The following DIO1 variants were observed in gnomAD, a reference collection of about 807,000 sequenced individuals.
The protein encoded by DIO1 is iodothyronine deiodinase 1.
Under a neutral mutation model 25.9 loss-of-function variants are expected in DIO1, and 17 were observed. That is an observed-to-expected ratio of 0.66 (90% CI 0.45 to 0.98). DIO1 has a LOEUF of 0.98. Among genes scored for constraint, DIO1 ranks in the 50% least tolerant of loss-of-function variants. The pLI is 0.00. For missense variants in DIO1, 270 were observed against 310.4 expected (o/e 0.87, Z 0.98); for synonymous variants, 115 against 114.0 (o/e 1.01, Z -0.05).
intron 1 of DIO1, among the ~76,000 whole-genome samples, chr1:53,899,880 C>A (rs1440058599): frequency 6.6e-6 from 1 of 152,018 alleles, no homozygotes. Flanking sequence ...GTTGCCCAGG[C>A]TTTTTGGGTT....
chr1:53,895,934 G>A (rs1340628757), intron 1 of DIO1, among the ~76,000 whole-genome samples: 3 of 152,070 alleles, frequency 2.0e-5, no homozygotes, highest in Admixed American at 6.5e-5. Context: ...CCTCCATGAA[G>A]CCACCTCAGC....
At chr1:53,906,353 C>T in intron 3 of DIO1, 59 bp downstream of exon 3, 1 of 1,451,930 alleles carries the variant, frequency 6.9e-7, no homozygotes, top group Non-Finnish European at 9.5e-7. Flanking sequence ...AGGGCAAGGG[C>T]AAAGAGAAGG....
intron 1 of DIO1, among the ~76,000 whole-genome samples, chr1:53,895,977 G>A (rs1031673932): frequency 1.3e-5 from 2 of 152,062 alleles, no homozygotes; most frequent in African/African-American, 2.4e-5. Flanking sequence ...CTCTCCCTTC[G>A]GCTCATGGCT....
At position 53,908,685 on chromosome 1, in the gene DIO1, C is replaced by T. The variant is rs184355829; in HGVS notation, c.682-1246C>T. ...CATAGTAGGGCAGAGTGTGAATAAA[C>T]GATTGGAGACATTGGGGTTACACAG... On this transcript the variant is annotated intron_variant, in intron 3 of 3. Coordinates refer to ENST00000361921, the MANE Select transcript of DIO1 (RefSeq NM_000792.7). Among the ~76,000 whole-genome samples the T allele has an allele frequency of 4.6e-5, 7 of 152,168 alleles. No homozygotes were observed. The East Asian group carries it at 7.7e-4, about 17-fold the overall frequency.
intron 1 of DIO1, among the ~76,000 whole-genome samples, chr1:53,901,246 G>C (rs1000099611): frequency 2.0e-5 from 3 of 151,930 alleles, no homozygotes; most frequent in Non-Finnish European, 4.4e-5. Flanking sequence ...GTGTAAATCT[G>C]GTTATTACAT....
chr1:53,901,517 C>T (rs538727261), intron 1 of DIO1, among the ~76,000 whole-genome samples: 7 of 152,206 alleles, frequency 4.6e-5, no homozygotes, highest in South Asian at 2.1e-4. Context: ...TGAATTCTGC[C>T]GTCTCAATGA....
chr1:53,904,676 A>C lies in DIO1; in HGVS notation c.348A>C (p.Pro116=), dbSNP rs145706521. Residue 116 remains proline, a synonymous_variant, in exon 2 of 4, where the codon CCA becomes CCC. Coordinates refer to ENST00000361921, the MANE Select transcript of DIO1 (RefSeq NM_000792.7). ...TTGTTGCTGTTTCAGGTAATAGGCC[A>C]CTGGTGCTGAATTTTGGAAGTTGTA... ...NIWEFMQGNR[P]LVLNFGSCTU... The C allele has an allele frequency of 6.2e-7, 1 of 1,613,540 alleles. No homozygotes were observed. The highest frequency in any genetic ancestry group is 2.2e-5 in the East Asian group (1 of 44,876).
Position 53,894,560 on chromosome 1 carries a change from C to T in DIO1, c.337+13C>T. ...GAGTTTATGCAAGGTCAGGAGGCTGCCACACACTTGAGGGGTGCTTGAAAT... is the reference window on the plus strand; with the variant it reads ...GAGTTTATGCAAGGTCAGGAGGCTGTCACACACTTGAGGGGTGCTTGAAAT... On this transcript the variant is annotated intron_variant, in intron 1 of 3. Transcript: ENST00000361921. The surrounding 1 kb of genome is among the most constrained non-coding windows in gnomAD (Gnocchi z 4.9). The T allele has an allele frequency of 6.2e-7, 1 of 1,604,630 alleles. No individual in the cohort carries two copies. The highest frequency in any genetic ancestry group is 8.5e-7 in the Non-Finnish European group (1 of 1,174,928).
chr1:53,907,911 CGG>C (rs1371737800), intron 3 of DIO1, among the ~76,000 whole-genome samples: 2 of 90,852 alleles, frequency 2.2e-5, no homozygotes, highest in African/African-American at 1.0e-4. Flanking sequence ...AACTCTGTCT[CGG>C]AAAAAAAAAA....
At chr1:53,905,381 C>T (rs1018190805) in intron 2 of DIO1, among the ~76,000 whole-genome samples, 1 of 152,024 alleles carries the variant, frequency 6.6e-6, no homozygotes, top group South Asian at 2.1e-4. Context: ...CACCATGTTA[C>T]TCGGGCTGGT....
rs775094953 is a variant in DIO1 at position 53,909,942 on chromosome 1, C to A, written c.693C>A (p.Gly231=). Residue 231 remains glycine (G), a synonymous_variant, in exon 4 of 4, where the codon GGC becomes GGA. Coordinates refer to ENST00000361921, the MANE Select transcript of DIO1 (RefSeq NM_000792.7). ...EGRILYKGKS[G]PWNYNPEEVR... ...CGTTTCTCTTGCAGGGTAAATCTGG[C>A]CCTTGGAACTACAACCCAGAGGAAG... 24 of 1,614,020 alleles carry A rather than the reference C, an allele frequency of 1.5e-5. No homozygotes were observed. The highest frequency in any genetic ancestry group is 2.0e-5 in the Non-Finnish European group (24 of 1,180,022).
chr1:53,898,010 G>A (rs1406949013), intron 1 of DIO1, among the ~76,000 whole-genome samples: 13 of 152,158 alleles, frequency 8.5e-5, no homozygotes, highest in Admixed American at 7.9e-4. Flanking sequence ...TAAACACCAT[G>A]GGCCTCTGCC....
rs1391602383 is a variant in DIO1, at chr1:53,894,392, G to A, written c.182G>A (p.Trp61Ter). 2 of 1,614,122 alleles carry A rather than the reference G, an allele frequency of 1.2e-6. No homozygotes were observed. Among genetic ancestry groups the A allele is most frequent in the Non-Finnish European group, 1.7e-6 (2 of 1,180,048 alleles). The change falls in exon 1 of 4, where the codon TGG (tryptophan) becomes TAG (stop). Residue 61 changes from tryptophan (W) to a stop codon, truncating the protein, a stop_gained. Transcript: ENST00000361921. LOFTEE classifies it high-confidence loss of function. The surrounding 1 kb of genome is among the most constrained non-coding windows in gnomAD (Gnocchi z 4.9). ...AACCCCCATTTCAGCCACGACAACTGGATACCAACCTTTTTCAGCACCCAG... is the reference window on the plus strand; with the variant it reads ...AACCCCCATTTCAGCCACGACAACTAGATACCAACCTTTTTCAGCACCCAG... ...TRNPHFSHDN[W>*]IPTFFSTQYF... is the part of the protein sequence containing the mutation.
intron 1 of DIO1, among the ~76,000 whole-genome samples, chr1:53,899,354 T>G (rs1018682091): frequency 2.6e-5 from 4 of 152,194 alleles, no homozygotes; most frequent in Non-Finnish European, 5.9e-5. Context: ...GTTTTCCCAT[T>G]TATACAAAGG....
chr1:53,906,333 G>A (rs1451085056), intron 3 of DIO1, 39 bp downstream of exon 3: 2 of 1,571,150 alleles, frequency 1.3e-6, no homozygotes, highest in East Asian at 4.6e-5. Flanking sequence ...GAGGGCAAAG[G>A]GGCCCAGGGA....
chr1:53,906,720 G>A (rs924457340), intron 3 of DIO1, among the ~76,000 whole-genome samples: 1 of 151,646 alleles, frequency 6.6e-6, no homozygotes, highest in Admixed American at 6.6e-5. Context: ...GCAGAGGGGT[G>A]ACCTTGGCTC....
chr1:53,894,344 G>A lies in DIO1; in HGVS notation c.134G>A (p.Gly45Asp). The A allele has an allele frequency of 2.5e-6, 4 of 1,614,232 alleles. No individual in the cohort carries two copies. The highest frequency in any genetic ancestry group is 3.4e-6 in the Non-Finnish European group (4 of 1,180,056). Reference protein sequence around the residue: ...DRVKRNILAMGEKTGMTRNPH... With the variant: ...DRVKRNILAMDEKTGMTRNPH... ...GTCAAGCGGAACATCCTGGCCATGGGCGAGAAGACGGGTATGACCAGGAAC... is the reference window on the plus strand; with the variant it reads ...GTCAAGCGGAACATCCTGGCCATGGACGAGAAGACGGGTATGACCAGGAAC... The change falls in exon 1 of 4, where the codon GGC becomes GAC. Residue 45 changes from glycine (G) to aspartate (D), a missense_variant. Physicochemically the swap from Gly to Asp is moderately conservative, Grantham distance 94. Transcript: ENST00000361921. The surrounding 1 kb of genome is among the most constrained non-coding windows in gnomAD (Gnocchi z 4.9).
Position 53,904,703 on chromosome 1 carries a change from C to T in DIO1, c.375C>T (p.Thr125=), listed in dbSNP as rs1202817990. 3.7e-6 allele frequency: 6 copies of T among 1,613,470 alleles called. No individual in the cohort carries two copies. The Admixed American group carries it at 6.7e-5, about 18-fold the overall frequency. Residue 125 remains threonine (T), a synonymous_variant, in exon 2 of 4, where the codon ACC becomes ACT. Coordinates refer to ENST00000361921, the MANE Select transcript of DIO1 (RefSeq NM_000792.7). ...TGGTGCTGAATTTTGGAAGTTGTAC[C>T]TGACCTTCATTTATGTTCAAATTTG... ...RPLVLNFGSC[T]UPSFMFKFDQ...
intron 1 of DIO1, among the ~76,000 whole-genome samples, chr1:53,897,430 C>A (rs1202337544): frequency 6.6e-6 from 1 of 152,052 alleles, no homozygotes; most frequent in African/African-American, 2.4e-5. Flanking sequence ...GAGCCGAGAT[C>A]GCACCACTGC....
Sources: allele counts gnomAD v4.1 joint callset (sites outside exome capture counted in the v4.1 genomes callset), GRCh38; gene constraint gnomAD v4.1.1; non-coding constraint Gnocchi (gnomAD v3.1); transcripts MANE v1.5; gene names NCBI Gene and HGNC (gene_info 2026-07-23, HGNC 2026-07-21).